ADAMTS17: variants seen among roughly 807,000 people sequenced by gnomAD.
ADAMTS17 encodes ADAM metallopeptidase with thrombospondin type 1 motif 17, also known as A disintegrin and metalloproteinase with thrombospondin motifs 17.
A neutral mutation model predicts 141.5 loss-of-function variants in ADAMTS17; 113 were observed. The ratio of observed to expected loss-of-function variants is 0.80; its 90% CI spans 0.69 to 0.93. ADAMTS17 has a LOEUF of 0.93. Among genes scored for constraint, ADAMTS17 ranks in the 40% least tolerant of loss-of-function variants. ADAMTS17 has a pLI of 0.00. For missense variants in ADAMTS17, 1,659 were observed against 1,517.9 expected (o/e 1.09, Z -1.54); for synonymous variants, 768 against 630.6 (o/e 1.22, Z -3.27).
At chr15:100,327,940 T>C (rs1311111817) in intron 3 of ADAMTS17, among the ~76,000 whole-genome samples, 1 of 152,164 alleles carries the variant, frequency 6.6e-6, no homozygotes, top group Non-Finnish European at 1.5e-5. Context: ...TGCTCAGACA[T>C]AAAACCCTAC....
intron 3 of ADAMTS17, among the ~76,000 whole-genome samples, chr15:100,292,179 ACG>A (rs2044654348): frequency 2.7e-5 from 4 of 148,694 alleles, no homozygotes; most frequent in South Asian, 2.1e-4. Flanking sequence ...ACTACGAGAC[ACG>A]CTCACCCCGT....
At chr15:100,237,078 G>C (rs1185691602) in intron 7 of ADAMTS17, among the ~76,000 whole-genome samples, 3 of 152,150 alleles carry the variant, frequency 2.0e-5, no homozygotes, top group Non-Finnish European at 4.4e-5. Context: ...CCACAACCCT[G>C]CCCCTGCAAC....
intron 9 of ADAMTS17, among the ~76,000 whole-genome samples, chr15:100,154,968 T>A (rs1445082664): frequency 6.6e-6 from 1 of 152,200 alleles, no homozygotes; most frequent in Non-Finnish European, 1.5e-5. Flanking sequence ...TACGTAATGA[T>A]CACCCACTGT....
At chr15:100,090,273 G>C (rs2035372372) in intron 15 of ADAMTS17, among the ~76,000 whole-genome samples, 1 of 152,236 alleles carries the variant, frequency 6.6e-6, no homozygotes, top group Admixed American at 6.5e-5. Flanking sequence ...TTTTTCAGAG[G>C]AATCTCCACT....
chr15:100,281,086 C>G (rs1266373277), intron 4 of ADAMTS17, 143 bp downstream of exon 4: 1 of 1,231,340 alleles, frequency 8.1e-7, no homozygotes, highest in East Asian at 2.4e-5. Flanking sequence ...CTCCTCAATG[C>G]CCAGAATTAC....
chr15:100,119,343 G>T (rs2037331985), intron 12 of ADAMTS17, among the ~76,000 whole-genome samples: 1 of 152,162 alleles, frequency 6.6e-6, no homozygotes, highest in South Asian at 2.1e-4. Context: ...GCAGACTAAG[G>T]GAAAGCAGGG....
intron 10 of ADAMTS17, among the ~76,000 whole-genome samples, chr15:100,139,919 C>G (rs2038537978): frequency 1.3e-5 from 2 of 152,148 alleles, no homozygotes; most frequent in African/African-American, 4.8e-5. Flanking sequence ...ATGTATTTTA[C>G]CTAATAGTAT....
intron 3 of ADAMTS17, among the ~76,000 whole-genome samples, chr15:100,314,306 T>C (rs931666540): frequency 5.9e-5 from 9 of 152,112 alleles, no homozygotes; most frequent in Non-Finnish European, 1.0e-4. Flanking sequence ...ACTGGAAAAA[T>C]GGAAATGCAA....
intron 20 of ADAMTS17, among the ~76,000 whole-genome samples, chr15:99,983,740 C>A (rs2060527407): frequency 6.6e-6 from 1 of 152,130 alleles, no homozygotes; most frequent in African/African-American, 2.4e-5. Flanking sequence ...CAAGGCTGAA[C>A]TCTCAAAGCA....
At chr15:100,259,376 T>C (rs1247260356) in intron 6 of ADAMTS17, among the ~76,000 whole-genome samples, 2 of 152,164 alleles carry the variant, frequency 1.3e-5, no homozygotes, top group Non-Finnish European at 2.9e-5. Flanking sequence ...ACAGAAAGCC[T>C]CACAGTCGCC....
chr15:100,201,682 G>C (rs1368708637), intron 7 of ADAMTS17, among the ~76,000 whole-genome samples: 1 of 152,170 alleles, frequency 6.6e-6, no homozygotes, highest in Non-Finnish European at 1.5e-5. Flanking sequence ...AATAAATAAA[G>C]AACAAATTAA....
intron 4 of ADAMTS17, among the ~76,000 whole-genome samples, chr15:100,274,259 G>C (rs1041338162): frequency 9.9e-5 from 15 of 152,182 alleles, no homozygotes; most frequent in African/African-American, 3.4e-4. Context: ...ATCTACTAAT[G>C]AGAGTGGGGA....
At chr15:100,146,319 G>C (rs970433188) in intron 10 of ADAMTS17, among the ~76,000 whole-genome samples, 9 of 152,210 alleles carry the variant, frequency 5.9e-5, no homozygotes, top group African/African-American at 2.2e-4. Context: ...AGATTTCATG[G>C]ACATTTATTA....
intron 6 of ADAMTS17, 150 bp downstream of exon 6, chr15:100,261,329 C>T: frequency 1.0e-6 from 1 of 960,686 alleles, no homozygotes; most frequent in Non-Finnish European, 1.6e-6. Context: ...CACCGTTAAC[C>T]CCCACTTACT....
In ADAMTS17 at chr15:99,974,446, C is replaced by A. The variant is rs1239206067; in HGVS notation, c.3244G>T (p.Asp1082Tyr). The change falls in exon 22 of 22, where the codon GAC becomes TAC. Residue 1082 changes from aspartate to tyrosine, a missense_variant. Coordinates refer to ENST00000268070, the MANE Select transcript of ADAMTS17 (RefSeq NM_139057.4). ...WYQRCCQTCR[D>Y]FYANKMRQPP... ...TGGCGCATCTTGTTTGCATAGAAGT[C>A]CCTGCAGGTCTGGCAGCAGCGCTGG... 1 of 1,614,078 alleles carries A rather than the reference C, an allele frequency of 6.2e-7. No individual in the cohort carries two copies. Among genetic ancestry groups the A allele is most frequent in the East Asian group, 2.2e-5 (1 of 44,888 alleles).
At chr15:100,124,414 C>T (rs2037614216) in intron 12 of ADAMTS17, among the ~76,000 whole-genome samples, 1 of 152,178 alleles carries the variant, frequency 6.6e-6, no homozygotes, top group Admixed American at 6.5e-5. Flanking sequence ...GTACCAATTC[C>T]CCAGCCAGAT....
At chr15:100,288,309 C>G (rs2044514134) in intron 3 of ADAMTS17, among the ~76,000 whole-genome samples, 2 of 152,218 alleles carry the variant, frequency 1.3e-5, no homozygotes, top group Admixed American at 6.5e-5. Context: ...TTCAATTCAA[C>G]AAGAACACTT....
rs753129309 is a variant in ADAMTS17 at position 100,131,992 on chromosome 15, G to C, written c.1721+15C>G. 8 of 1,614,124 alleles carry C rather than the reference G, an allele frequency of 5.0e-6. No homozygotes were observed. The highest frequency in any genetic ancestry group is 5.9e-6 in the Non-Finnish European group (7 of 1,180,064). On this transcript the variant is annotated intron_variant, in intron 12 of 21. Transcript: ENST00000268070. Reference sequence around the variant, plus strand: ...AATCGTGGCACGTTGGGGTATGGCTGGTCAGGGGACTTACGGGGGGTTGTC... The same window carrying C: ...AATCGTGGCACGTTGGGGTATGGCTCGTCAGGGGACTTACGGGGGGTTGTC...
intron 8 of ADAMTS17, among the ~76,000 whole-genome samples, chr15:100,169,782 A>T (rs1205369028): frequency 1.3e-5 from 2 of 152,188 alleles, no homozygotes; most frequent in Non-Finnish European, 2.9e-5. Context: ...AGCCGGGGGC[A>T]TCTGGTCACG....
Sources: allele counts gnomAD v4.1 joint callset (sites outside exome capture counted in the v4.1 genomes callset), GRCh38; gene constraint gnomAD v4.1.1; transcripts MANE v1.5; gene names NCBI Gene and HGNC (gene_info 2026-07-23, HGNC 2026-07-21).